The following IL21R variants were observed in gnomAD, a reference collection of about 807,000 sequenced individuals.
IL21R encodes interleukin 21 receptor, also known as interleukin-21 receptor.
A neutral mutation model predicts 41.3 loss-of-function variants in IL21R; 14 were observed. That is an observed-to-expected ratio of 0.34 (90% CI 0.22 to 0.53). The LOEUF (loss-of-function observed/expected upper bound fraction) is 0.53. Among genes scored for constraint, IL21R ranks in the 20% least tolerant of loss-of-function variants. The probability of loss-of-function intolerance (pLI) is 0.94; values close to 1 mark genes in which losing one functional copy is unlikely to be tolerated. For missense variants in IL21R, 588 were observed against 681.6 expected, an observed-to-expected ratio of 0.86 and a Z score of 1.53; for synonymous variants, 286 against 287.6, an observed-to-expected ratio of 0.99 and a Z score of 0.05.
chr16:27,415,913 AAT>A (rs2086889348), intron 1 of IL21R, among the ~76,000 whole-genome samples: 1 of 152,166 alleles, frequency 6.6e-6, no homozygotes, highest in Non-Finnish European at 1.5e-5. Context: ...TATGTTGAGA[AAT>A]AGAGTTTATT....
At chr16:27,431,890 C>A (rs796682329) in intron 2 of IL21R, among the ~76,000 whole-genome samples, 1 of 152,152 alleles carries the variant, frequency 6.6e-6, no homozygotes, top group African/African-American at 2.4e-5. Context: ...ATGATCCACC[C>A]GCCTCGGCCT....
At chr16:27,425,363 T>C (rs1354892485) in intron 1 of IL21R, among the ~76,000 whole-genome samples, 1 of 152,192 alleles carries the variant, frequency 6.6e-6, no homozygotes, top group Non-Finnish European at 1.5e-5. Flanking sequence ...GAGGGAGTGA[T>C]GGAGAAAGTC....
intron 1 of IL21R, among the ~76,000 whole-genome samples, chr16:27,412,505 A>T (rs2086837370): frequency 6.6e-6 from 1 of 151,272 alleles, no homozygotes; most frequent in African/African-American, 2.4e-5. Flanking sequence ...TTTAGGATGA[A>T]TTCTTTTTTT....
At chr16:27,418,429 C>T (rs542492582) in intron 1 of IL21R, among the ~76,000 whole-genome samples, 46 of 151,960 alleles carry the variant, frequency 3.0e-4, no homozygotes, top group African/African-American at 9.6e-4. Context: ...AGTGCAGTGT[C>T]GCGATCTCAG....
At chr16:27,425,108 TTCAACATGAGATTTG>T (rs1200278793) in intron 1 of IL21R, among the ~76,000 whole-genome samples, 1 of 152,132 alleles carries the variant, frequency 6.6e-6, no homozygotes, top group Admixed American at 6.5e-5. Flanking sequence ...GGGATGACAT[TTCAACATGAGATTTG>T]GGTGGGACAA....
intron 1 of IL21R, among the ~76,000 whole-genome samples, chr16:27,418,333 G>A (rs1028203297): frequency 1.1e-4 from 17 of 151,538 alleles, no homozygotes; most frequent in African/African-American, 3.6e-4. Flanking sequence ...CTTCCAAAGC[G>A]CTGGGATTAC....
intron 1 of IL21R, among the ~76,000 whole-genome samples, chr16:27,405,780 G>A (rs2086734789): frequency 6.6e-6 from 1 of 151,968 alleles, no homozygotes; most frequent in African/African-American, 2.4e-5. Flanking sequence ...CAGCTCAAAT[G>A]AGACCTCTGA....
intron 1 of IL21R, among the ~76,000 whole-genome samples, chr16:27,419,043 C>T (rs1268657237): frequency 3.9e-5 from 6 of 151,926 alleles, no homozygotes; most frequent in Non-Finnish European, 7.4e-5. Context: ...GGTGAAAGCC[C>T]CATCTCTACT....
rs1596602412 is a variant in IL21R at position 27,450,264 on chromosome 16, G to T, written c.*981G>T. 1 of 232,582 alleles carries T rather than the reference G, an allele frequency of 4.3e-6. No homozygotes were observed. The highest frequency in any genetic ancestry group is 6.1e-5 in the East Asian group (1 of 16,524). The allele number at this position is 232,582 out of a possible 1,614,324, so 14.4% of individuals were successfully genotyped here. A position where few individuals can be genotyped will look rare whatever the true frequency, so the allele number is the denominator to read the frequency against. On this transcript the variant is annotated 3_prime_UTR_variant, in exon 9 of 9. Coordinates refer to ENST00000337929, the MANE Select transcript of IL21R (RefSeq NM_181078.3). ...TTCTTTTTCTAACTTCTGCTACTAA[G>T]TTTTTAAAAATTCCCTTTATGCACC...
intron 1 of IL21R, among the ~76,000 whole-genome samples, chr16:27,411,171 T>C (rs1401642365): frequency 6.6e-6 from 1 of 152,192 alleles, no homozygotes; most frequent in Non-Finnish European, 1.5e-5. Flanking sequence ...CTTTTGGATA[T>C]ATGTCTGGTA....
chr16:27,430,082 G>A lies in IL21R; in HGVS notation c.11G>A (p.Gly4Asp), dbSNP rs1294802701. 1.2e-6 allele frequency: 2 copies of A among 1,606,014 alleles called. No homozygotes were observed. Among genetic ancestry groups the A allele is most frequent in the Non-Finnish European group, 1.7e-6 (2 of 1,179,818 alleles). ...CCCGTGGGAGTCAGCATGCCGCGTG[G>A]CTGGGCCGCCCCCTTGCTCCTGCTG... is the stretch of plus-strand genomic sequence containing the variant. The part of the protein sequence containing the change: MPR[G>D]WAAPLLLLLL... The change falls in exon 2 of 9, where the codon GGC (glycine) becomes GAC (aspartate). Residue 4 changes from glycine to aspartate, a missense_variant. Gly to Asp is a moderately conservative substitution (Grantham distance 94). Coordinates refer to ENST00000337929, the MANE Select transcript of IL21R (RefSeq NM_181078.3).
intron 2 of IL21R, among the ~76,000 whole-genome samples, chr16:27,431,380 C>T (rs1479652052): frequency 6.6e-6 from 1 of 152,144 alleles, no homozygotes; most frequent in Non-Finnish European, 1.5e-5. Context: ...TCCCAACAGC[C>T]CCACAAGGCG....
chr16:27,419,196 A>C (rs1443186393), intron 1 of IL21R, among the ~76,000 whole-genome samples: 1 of 152,124 alleles, frequency 6.6e-6, no homozygotes, highest in Non-Finnish European at 1.5e-5. Context: ...GCAAAACTCC[A>C]TCTCAAAAAA....
intron 1 of IL21R, among the ~76,000 whole-genome samples, chr16:27,420,696 T>C (rs1322419829): frequency 6.6e-6 from 1 of 152,262 alleles, no homozygotes; most frequent in African/African-American, 2.4e-5. Flanking sequence ...TTGCATATTC[T>C]AAATACCAGA....
chr16:27,412,573 T>C (rs1225825327), intron 1 of IL21R, among the ~76,000 whole-genome samples: 1 of 152,284 alleles, frequency 6.6e-6, no homozygotes, highest in East Asian at 1.9e-4. Context: ...TTCAGTTTTC[T>C]GTGAGTAGTA....
At chr16:27,445,361 A>C in intron 7 of IL21R, 85 bp downstream of exon 7, 1 of 837,928 alleles carries the variant, frequency 1.2e-6, no homozygotes, top group Non-Finnish European at 2.0e-6. Context: ...GGAAAACATG[A>C]CTGTCATCAT....
At chr16:27,416,887 T>C (rs1255439861) in intron 1 of IL21R, among the ~76,000 whole-genome samples, 1 of 152,232 alleles carries the variant, frequency 6.6e-6, no homozygotes, top group African/African-American at 2.4e-5. Context: ...AGGCCTTTTG[T>C]GTCTGGTGTC....
Position 27,448,751 on chromosome 16 carries a change from C to T in IL21R, c.1085C>T (p.Ala362Val). ...WPTAQNSGGS[A>V]YSEERDRPYG... ...ACAGCCCAGAACTCGGGGGGCTCAG[C>T]TTACAGTGAGGAGAGGGATCGGCCA... The change falls in exon 9 of 9, where the codon GCT becomes GTT. Residue 362 changes from alanine to valine, a missense_variant. Physicochemically the swap from Ala to Val is moderately conservative, Grantham distance 64. Coordinates refer to ENST00000337929, the MANE Select transcript of IL21R (RefSeq NM_181078.3). The T allele has an allele frequency of 6.2e-7, 1 of 1,613,584 alleles. No individual in the cohort carries two copies. The highest frequency in any genetic ancestry group is 8.5e-7 in the Non-Finnish European group (1 of 1,180,022).
At chr16:27,447,088 C>T (rs1367700471) in intron 8 of IL21R, among the ~76,000 whole-genome samples, 3 of 152,202 alleles carry the variant, frequency 2.0e-5, no homozygotes, top group Non-Finnish European at 4.4e-5. Context: ...TTCCACTGCC[C>T]CCAGGGCACC....
Sources: gnomAD v4.1 joint callset for allele counts (sites outside exome capture counted in the v4.1 genomes callset) on GRCh38, gnomAD v4.1.1 for gene constraint, MANE v1.5 for transcripts, NCBI Gene and HGNC (gene_info 2026-07-23, HGNC 2026-07-21) for gene names.